WDR5: variants seen among roughly 807,000 people sequenced by gnomAD.
The protein encoded by WDR5 is WD repeat domain 5.
For synonymous variants in WDR5, 144 were observed against 161.6 expected (o/e 0.89, Z 0.83); for missense variants, 187 against 416.9 (o/e 0.45, Z 4.80).
At chr9:134,141,259 C>G (rs534085835) in intron 3 of WDR5, among the ~76,000 whole-genome samples, 2 of 152,152 alleles carry the variant, frequency 1.3e-5, no homozygotes, top group Admixed American at 6.5e-5. Flanking sequence ...GCACTCCAGC[C>G]TGGGCGACAG....
At chr9:134,144,262 CTGTGCTTGTGGCTG>C (rs1177860175) in intron 7 of WDR5, among the ~76,000 whole-genome samples, 1 of 152,236 alleles carries the variant, frequency 6.6e-6, no homozygotes. Context: ...CCATGTGGCC[CTGTGCTTGTGGCTG>C]TGTGCTTGCG....
At chr9:134,154,225 G>C (rs28665545) in intron 9 of WDR5, among the ~76,000 whole-genome samples, 11,515 of 151,562 alleles carry the variant, frequency 0.076, 931 homozygotes, top group African/African-American at 0.2. Context: ...GCCTGTATTC[G>C]TAAAGTCCTG....
intron 10 of WDR5, among the ~76,000 whole-genome samples, chr9:134,154,879 G>C (rs575233951): frequency 1.3e-5 from 2 of 152,340 alleles, no homozygotes; most frequent in South Asian, 4.1e-4. Context: ...TGAGCATCTT[G>C]ATTTTACCTC....
intron 1 of WDR5, 29 bp from the exon 2 acceptor site, chr9:134,139,791 G>T: frequency 7.1e-7 from 1 of 1,401,796 alleles, no homozygotes; most frequent in Non-Finnish European, 9.9e-7. Context: ...TTTGTTTCTT[G>T]GCTCCCTGTT....
At chr9:134,156,730 C>A (rs1832761667) in intron 13 of WDR5, 137 bp downstream of exon 13, 2 of 796,166 alleles carry the variant, frequency 2.5e-6, no homozygotes, top group Non-Finnish European at 4.0e-6. Context: ...CGCTGAGGAA[C>A]CGCTGCTAAG....
At chr9:134,145,973 T>TA (rs778368641) in intron 7 of WDR5, among the ~76,000 whole-genome samples, 5 of 151,282 alleles carry the variant, frequency 3.3e-5, no homozygotes, top group Non-Finnish European at 5.9e-5. Flanking sequence ...TTTATTTATT[T>TA]ATTTATTTTG....
At chr9:134,145,105 T>TTTTTTTTTTTG (rs1832117559) in intron 7 of WDR5, among the ~76,000 whole-genome samples, 1 of 128,956 alleles carries the variant, frequency 7.8e-6, no homozygotes, top group Admixed American at 7.5e-5. Flanking sequence ...TGTTTTTTTT[T>TTTTTTTTTTTG]TTTTTTTTTT....
intron 12 of WDR5, 128 bp from the exon 13 acceptor site, chr9:134,156,378 A>T (rs551144864): frequency 1.4e-5 from 12 of 886,652 alleles, no homozygotes; most frequent in Middle Eastern, 2.7e-4. Flanking sequence ...TTTTTGGTTG[A>T]GTTCAGCGAG....
intron 1 of WDR5, among the ~76,000 whole-genome samples, chr9:134,137,514 C>T (rs561869810): frequency 6.4e-4 from 97 of 151,988 alleles, no homozygotes; most frequent in Non-Finnish European, 1.0e-3. Context: ...GAAACTCCGT[C>T]TCTACTAAAA....
chr9:134,142,460 T>G (rs1588170180), intron 6 of WDR5, 38 bp downstream of exon 6: 1 of 1,607,546 alleles, frequency 6.2e-7, no homozygotes, highest in Non-Finnish European at 8.5e-7. Flanking sequence ...GGGGAGGTGG[T>G]GTCGGATGTG....
chr9:134,141,358 T>A, intron 3 of WDR5, 152 bp from the exon 4 acceptor site: 1 of 670,580 alleles, frequency 1.5e-6, no homozygotes, highest in African/African-American at 1.8e-5. Context: ...GGACTGGTCC[T>A]CTCAGGCATG....
At chr9:134,155,207 G>C in intron 10 of WDR5, 133 bp from the exon 11 acceptor site, 1 of 1,078,656 alleles carries the variant, frequency 9.3e-7, no homozygotes, top group Non-Finnish European at 1.3e-6. Flanking sequence ...CCCTGATGGG[G>C]AAGGGGGTTC....
At chr9:134,135,342 G>GC (rs1489109480), upstream of WDR5, 5 of 152,212 alleles carry the variant, frequency 3.3e-5, no homozygotes, top group Non-Finnish European at 5.9e-5. Context: ...GGAAGGGCTG[G>GC]CCCCGGGAGA....
At position 134,154,527 on chromosome 9, in the gene WDR5, C is replaced by G. The variant is rs140708390; in HGVS notation, c.693C>G (p.Ala231=). 5 of 1,614,048 alleles carry G rather than the reference C, an allele frequency of 3.1e-6. No individual in the cohort carries two copies. Among genetic ancestry groups the G allele is most frequent in the Non-Finnish European group, 4.2e-6 (5 of 1,180,040 alleles). ...CCCCGAACGGCAAATACATCCTGGC[C>G]GCCACGCTGGACAAGTGAGTACTGC... ...KFSPNGKYIL[A]ATLDNTLKLW... The change falls in exon 10 of 14, where the codon GCC becomes GCG. Residue 231 remains alanine, a synonymous_variant. Coordinates refer to ENST00000358625, the MANE Select transcript of WDR5 (RefSeq NM_017588.3).
At chr9:134,143,442 G>T (rs899980317) in intron 7 of WDR5, among the ~76,000 whole-genome samples, 3 of 152,158 alleles carry the variant, frequency 2.0e-5, no homozygotes, top group Non-Finnish European at 4.4e-5. Flanking sequence ...TGGGGAGGCT[G>T]AGGCCAGAGA....
intron 8 of WDR5, among the ~76,000 whole-genome samples, chr9:134,149,187 G>A (rs1832367944): frequency 6.6e-6 from 1 of 152,220 alleles, no homozygotes; most frequent in Admixed American, 6.5e-5. Flanking sequence ...TAGTCGCCAT[G>A]CATGACCCCC....
At chr9:134,150,602 T>G (rs1208518039) in intron 8 of WDR5, among the ~76,000 whole-genome samples, 1 of 152,256 alleles carries the variant, frequency 6.6e-6, no homozygotes, top group African/African-American at 2.4e-5. Flanking sequence ...TGAATAGAGA[T>G]ACACATCTTT....
At chr9:134,156,444 T>C in intron 12 of WDR5, 62 bp from the exon 13 acceptor site, 16 of 1,521,404 alleles carry the variant, frequency 1.1e-5, no homozygotes, top group Non-Finnish European at 1.5e-5. Flanking sequence ...TCTCTCCCTT[T>C]CACATGCATG....
At chr9:134,154,418 C>A (rs750182574) in intron 9 of WDR5, 48 bp from the exon 10 acceptor site, 1 of 1,600,030 alleles carries the variant, frequency 6.2e-7, no homozygotes, top group Non-Finnish European at 8.6e-7. Context: ...CCTGTCCCTG[C>A]CTGGCTGTCA....
Sources: allele counts gnomAD v4.1 joint callset (sites outside exome capture counted in the v4.1 genomes callset), GRCh38; gene constraint gnomAD v4.1.1; transcripts MANE v1.5; gene names NCBI Gene and HGNC (gene_info 2026-07-23, HGNC 2026-07-21).